Variants in RFFL observed in about 807,000 individuals in gnomAD.
The protein encoded by RFFL is ring finger and FYVE like domain containing E3 ubiquitin protein ligase.
In RFFL, 16 loss-of-function variants were observed where a neutral mutation model predicts 40.4. The observed-to-expected ratio is 0.40, with a 90% CI of 0.27 to 0.60. The LOEUF (loss-of-function observed/expected upper bound fraction) is 0.60. RFFL is among the 20% of genes least tolerant of loss of function. RFFL has a pLI of 0.47. For synonymous variants in RFFL, 154 were observed against 167.9 expected, an observed-to-expected ratio of 0.92 and a Z score of 0.64; for missense variants, 367 against 451.7, an observed-to-expected ratio of 0.81 and a Z score of 1.70.
chr17:35,067,456 C>CTTT (rs34727905), upstream of RFFL, among the ~76,000 whole-genome samples: 5 of 126,752 alleles, frequency 3.9e-5, no homozygotes, highest in South Asian at 2.4e-4. Context: ...TCTTCCAAGC[C>CTTT]TTTTTTTTTT....
chr17:35,086,710 T>A (rs551764700), intron 1 of RFFL, among the ~76,000 whole-genome samples: 19 of 152,198 alleles, frequency 1.2e-4, no homozygotes, highest in Non-Finnish European at 2.1e-4. Context: ...TGTTATTGTA[T>A]TAACAAGTTA....
intron 1 of RFFL, among the ~76,000 whole-genome samples, chr17:35,081,582 T>C (rs537421915): frequency 1.6e-4 from 24 of 152,304 alleles, no homozygotes; most frequent in African/African-American, 5.1e-4. Flanking sequence ...TTGTCTCTTC[T>C]GAATGCTTAA....
upstream of RFFL, among the ~76,000 whole-genome samples, chr17:35,067,281 C>T (rs960677810): frequency 5.3e-5 from 8 of 151,714 alleles, no homozygotes; most frequent in Admixed American, 4.6e-4. Context: ...CCATGTCTGG[C>T]TAATTTTTGT....
intron 1 of RFFL, among the ~76,000 whole-genome samples, chr17:35,048,662 A>G (rs2091214510): frequency 6.6e-6 from 1 of 152,110 alleles, no homozygotes; most frequent in South Asian, 2.1e-4. Context: ...ACAACCCTGC[A>G]GTCCAGCCAG....
At chr17:35,064,499 A>G (rs2091310526), upstream of RFFL, among the ~76,000 whole-genome samples, 1 of 151,430 alleles carries the variant, frequency 6.6e-6, no homozygotes, top group Admixed American at 6.6e-5. Context: ...ATCAACAGCT[A>G]TTAATTACTG....
At chr17:35,051,752 A>G (rs1408403874) in intron 1 of RFFL, among the ~76,000 whole-genome samples, 1 of 152,234 alleles carries the variant, frequency 6.6e-6, no homozygotes, top group Non-Finnish European at 1.5e-5. Context: ...TCAAATGCAG[A>G]AGGAACAGAT....
intron 1 of RFFL, among the ~76,000 whole-genome samples, chr17:35,044,783 C>G (rs1172871208): frequency 6.6e-6 from 1 of 152,176 alleles, no homozygotes; most frequent in Non-Finnish European, 1.5e-5. Context: ...CAGCTATTCT[C>G]TCAGCCTGGA....
intron 1 of RFFL, among the ~76,000 whole-genome samples, chr17:35,052,666 TATTC>T (rs1002799816): frequency 1.3e-5 from 2 of 152,236 alleles, no homozygotes; most frequent in Non-Finnish European, 1.5e-5. Context: ...TCTGTTCAGT[TATTC>T]ATTCATTCAT....
At chr17:35,043,430 T>C (rs1328041717) in intron 1 of RFFL, among the ~76,000 whole-genome samples, 1 of 152,178 alleles carries the variant, frequency 6.6e-6, no homozygotes, top group Admixed American at 6.5e-5. Flanking sequence ...TAGCCGTCAT[T>C]ATAATAAGGC....
intron 1 of RFFL, among the ~76,000 whole-genome samples, chr17:35,086,062 T>C (rs2091427485): frequency 6.6e-6 from 1 of 152,214 alleles, no homozygotes; most frequent in Non-Finnish European, 1.5e-5. Context: ...TGAGATATAA[T>C]AGGATATCCT....
At chr17:35,026,594 A>C (rs757237299) in intron 1 of RFFL, 33 bp from the exon 2 acceptor site, 1 of 1,567,728 alleles carries the variant, frequency 6.4e-7, no homozygotes. Flanking sequence ...AAAAGGTCAG[A>C]GTTAAGACAC....
At chr17:35,055,791 T>G (rs1456615764) in intron 1 of RFFL, among the ~76,000 whole-genome samples, 4 of 152,166 alleles carry the variant, frequency 2.6e-5, no homozygotes, top group Admixed American at 6.5e-5. Context: ...ATCCCTATTG[T>G]TTCTAAAGAT....
At position 35,021,526 on chromosome 17, in the gene RFFL, T is replaced by C. The variant is rs779175339; in HGVS notation, c.436A>G (p.Thr146Ala). 50 of 1,612,294 alleles carry C rather than the reference T, an allele frequency of 3.1e-5. 2 individuals are homozygous for C. In the East Asian group the frequency reaches 1.1e-3, roughly 36 times the overall value. ...QQPVISQEDRTRASTLSPDFP... is the reference protein window; with the variant it reads ...QQPVISQEDRARASTLSPDFP... ...TCTGGGGACAAGGTGGAGGCACGAG[T>C]CCTGTCCTCCTGGGAGATTACAGGC... Residue 146 changes from threonine (T) to alanine (A), a missense_variant, in exon 3 of 7, where the codon ACT becomes GCT. Coordinates refer to ENST00000394597, the MANE Select transcript of RFFL (RefSeq NM_001017368.2).
At position 35,075,649 on chromosome 17, in the gene RFFL, A is replaced by G. The variant is rs140547744; in HGVS notation, c.-9+13456T>C. Among the ~76,000 whole-genome samples, 22 of 152,334 alleles carry G rather than the reference A, an allele frequency of 1.4e-4. No individual in the cohort carries two copies. The East Asian group carries it at 4.2e-3, about 29-fold the overall frequency. On this transcript the variant is annotated intron_variant, in intron 1 of 6. Coordinates refer to the RFFL transcript ENST00000315249. ...GCTCCAATAATCTATCAAGTTTGAC[A>G]TTTCATCCAACTAAGCAATTAAACC...
At chr17:35,035,647 CTATAGA>C (rs1289255293) in intron 1 of RFFL, among the ~76,000 whole-genome samples, 3 of 149,544 alleles carry the variant, frequency 2.0e-5, no homozygotes, top group Non-Finnish European at 4.4e-5. Context: ...GTATCTATAT[CTATAGA>C]TATTTATATC....
intron 5 of RFFL, among the ~76,000 whole-genome samples, chr17:35,015,129 G>A (rs568329942): frequency 7.9e-5 from 12 of 152,154 alleles, no homozygotes; most frequent in South Asian, 4.1e-4. Flanking sequence ...CACCACTCCC[G>A]GCTAATTTTT....
intron 1 of RFFL, among the ~76,000 whole-genome samples, chr17:35,060,384 T>TA (rs1486605755): frequency 1.3e-5 from 2 of 152,298 alleles, no homozygotes; most frequent in East Asian, 3.9e-4. Flanking sequence ...TGGAACCTGA[T>TA]AGAGTATATT....
chr17:35,083,787 A>C (rs1185772226), intron 1 of RFFL, among the ~76,000 whole-genome samples: 1 of 151,904 alleles, frequency 6.6e-6, no homozygotes, highest in Non-Finnish European at 1.5e-5. Flanking sequence ...TCTCAAAAAA[A>C]AAAAAAAGAA....
At chr17:35,072,427 C>T (rs879379979) in intron 1 of RFFL, among the ~76,000 whole-genome samples, 2 of 151,938 alleles carry the variant, frequency 1.3e-5, no homozygotes, top group African/African-American at 2.4e-5. Flanking sequence ...ATAGAGACAC[C>T]GAACAGATTA....
Sources: allele counts gnomAD v4.1 joint callset (sites outside exome capture counted in the v4.1 genomes callset), GRCh38; gene constraint gnomAD v4.1.1; transcripts MANE v1.5; gene names NCBI Gene and HGNC (gene_info 2026-07-23, HGNC 2026-07-21).